GABRA2: variants seen among roughly 807,000 people sequenced by gnomAD.
The protein encoded by GABRA2 is gamma-aminobutyric acid receptor subunit alpha-2.
In GABRA2, 16 loss-of-function variants were observed where a neutral mutation model predicts 48.7. That is an observed-to-expected ratio of 0.33 (90% CI 0.22 to 0.50). GABRA2 has a LOEUF of 0.50. Among genes scored for constraint, GABRA2 ranks in the 20% least tolerant of loss-of-function variants. The probability of loss-of-function intolerance (pLI) is 0.98; values close to 1 mark genes in which losing one functional copy is unlikely to be tolerated. For missense variants in GABRA2, 275 were observed against 535.6 expected, an observed-to-expected ratio of 0.51 and a Z score of 4.80; for synonymous variants, 185 against 184.5, an observed-to-expected ratio of 1.00 and a Z score of -0.02.
intron 3 of GABRA2, among the ~76,000 whole-genome samples, chr4:46,375,895 A>G (rs1458577122): frequency 2.0e-5 from 3 of 152,232 alleles, no homozygotes; most frequent in African/African-American, 7.2e-5. Context: ...AGTTGAATGA[A>G]TGAGCTATAC....
chr4:46,366,325 C>A (rs1213340811), intron 3 of GABRA2: 1 of 152,032 alleles, frequency 6.6e-6, no homozygotes, highest in South Asian at 2.1e-4. Flanking sequence ...AATAAGAACA[C>A]CTAAACAAAT....
intron 1 of GABRA2, chr4:46,389,432 G>C (rs1170692752): frequency 1.4e-5 from 14 of 982,460 alleles, no homozygotes; most frequent in South Asian, 9.4e-5. Flanking sequence ...GTGAGGCTCC[G>C]GCAGCAAACA....
rs1044761826 is a variant in GABRA2, at chr4:46,258,321, G to A, written c.1059+3605C>T. On this transcript the variant is annotated intron_variant, in intron 9 of 9. Transcript: ENST00000381620. ...ACAGAAATATGCAATTACAAACTACGATAAAGGTTCTAATGCAAAAGAACA... is the reference window on the plus strand; with the variant it reads ...ACAGAAATATGCAATTACAAACTACAATAAAGGTTCTAATGCAAAAGAACA... 2.6e-5 allele frequency among the ~76,000 whole-genome samples: 4 copies of A among 151,836 alleles called. No homozygotes were observed. The South Asian group carries it at 6.2e-4, about 24-fold the overall frequency.
At chr4:46,378,033 T>TGG (rs1207127092) in intron 3 of GABRA2, among the ~76,000 whole-genome samples, 1 of 107,272 alleles carries the variant, frequency 9.3e-6, no homozygotes, top group African/African-American at 4.0e-5. Context: ...GGGAGGGAGG[T>TGG]GGGGGGTTCA....
At chr4:46,331,997 A>G (rs772021634) in intron 4 of GABRA2, among the ~76,000 whole-genome samples, 6 of 152,166 alleles carry the variant, frequency 3.9e-5, no homozygotes, top group Admixed American at 6.6e-5. Flanking sequence ...TGCTGCAATT[A>G]CATTTGTGAG....
intron 9 of GABRA2, among the ~76,000 whole-genome samples, chr4:46,260,574 A>G (rs1296685371): frequency 6.6e-6 from 1 of 151,902 alleles, no homozygotes; most frequent in Non-Finnish European, 1.5e-5. Context: ...CTTTTGTGAC[A>G]TATTTACAAA....
At position 46,366,395 on chromosome 4, in the gene GABRA2, G is replaced by A. The variant is rs567273091; in HGVS notation, c.187+19679C>T. On this transcript the variant is annotated intron_variant, in intron 3 of 9. Transcript: ENST00000381620. ...CAGAGATACTTATCCAGATGCTAAT[G>A]ATTACACAAATGTAACAAATAGTGA... 13 of 152,206 alleles carry A rather than the reference G, an allele frequency of 8.5e-5. No individual in the cohort carries two copies. In the South Asian group the frequency reaches 2.3e-3, roughly 27 times the overall value. The allele number at this position is 152,206 out of a possible 1,614,324, so 9.4% of individuals were successfully genotyped here.
chr4:46,251,267 C>T (rs771652368), intron 9 of GABRA2, among the ~76,000 whole-genome samples: 13 of 151,554 alleles, frequency 8.6e-5, no homozygotes, highest in Non-Finnish European at 1.8e-4. Flanking sequence ...TCTAGCTTGG[C>T]TTGACTTTGT....
At chr4:46,280,145 T>C (rs1255218235) in intron 8 of GABRA2, among the ~76,000 whole-genome samples, 1 of 152,006 alleles carries the variant, frequency 6.6e-6, no homozygotes, top group South Asian at 2.1e-4. Context: ...TTATATAATG[T>C]TGGAAGATGA....
In GABRA2 at chr4:46,284,861, A is replaced by G. The variant is rs1488603425; in HGVS notation, c.856+18599T>C. 9.2e-5 allele frequency among the ~76,000 whole-genome samples: 14 copies of G among 152,080 alleles called. No individual in the cohort carries two copies. The South Asian group carries it at 2.9e-3, about 32-fold the overall frequency. ...TTTTTTATTAAAACTTGTGTGGATT[A>G]CCCACAACGTAAAGCTTTGGACTTA... On this transcript the variant is annotated intron_variant, in intron 8 of 9. Coordinates refer to ENST00000381620, the MANE Select transcript of GABRA2 (RefSeq NM_000807.4).
chr4:46,390,040 G>C lies in GABRA2; in HGVS notation c.-316C>G. On this transcript the variant is annotated 5_prime_UTR_variant, in exon 1 of 10. Coordinates refer to ENST00000381620, the MANE Select transcript of GABRA2 (RefSeq NM_000807.4). ...GGAAGAGGAGGAGGGGGAAAACGAT[G>C]ACAGGAGCTGGGGCCGGGGGGGGAA... is the stretch of plus-strand genomic sequence containing the variant. 1 of 241,282 alleles carries C rather than the reference G, an allele frequency of 4.1e-6. No homozygotes were observed. The highest frequency in any genetic ancestry group is 5.8e-6 in the Non-Finnish European group (1 of 171,676). The allele number at this position is 241,282 out of a possible 1,614,324, so 14.9% of individuals were successfully genotyped here. A position where few individuals can be genotyped will look rare whatever the true frequency, so the allele number is the denominator to read the frequency against.
At chr4:46,286,322 A>G (rs1396824813) in intron 8 of GABRA2, among the ~76,000 whole-genome samples, 1 of 152,096 alleles carries the variant, frequency 6.6e-6, no homozygotes, top group Non-Finnish European at 1.5e-5. Flanking sequence ...TATTGTAAGT[A>G]TATACTATAT....
At chr4:46,253,248 G>A (rs1715161126) in intron 9 of GABRA2, among the ~76,000 whole-genome samples, 1 of 151,256 alleles carries the variant, frequency 6.6e-6, no homozygotes, top group African/African-American at 2.4e-5. Flanking sequence ...CCCCTCACTT[G>A]AATACCCTTC....
At chr4:46,277,789 A>G (rs1159815339) in intron 8 of GABRA2, among the ~76,000 whole-genome samples, 3 of 152,184 alleles carry the variant, frequency 2.0e-5, no homozygotes, top group East Asian at 1.9e-4. Flanking sequence ...CAAGCTAGAG[A>G]GCACGTCTAA....
At chr4:46,360,891 A>T (rs1713073481) in intron 3 of GABRA2, among the ~76,000 whole-genome samples, 1 of 152,244 alleles carries the variant, frequency 6.6e-6, no homozygotes, top group South Asian at 2.1e-4. Context: ...TTTAGCAAAG[A>T]CAGTGTTGGC....
chr4:46,278,478 T>C (rs2109447421), intron 8 of GABRA2, among the ~76,000 whole-genome samples: 1 of 152,250 alleles, frequency 6.6e-6, no homozygotes, highest in East Asian at 1.9e-4. Flanking sequence ...AAACAGGTAG[T>C]AAGTGCTTAT....
intron 4 of GABRA2, among the ~76,000 whole-genome samples, chr4:46,332,111 T>C (rs1248041838): frequency 1.3e-5 from 2 of 152,132 alleles, no homozygotes; most frequent in Admixed American, 6.6e-5. Context: ...GATTTATATA[T>C]ACCTACTATG....
rs570531493 is a variant in GABRA2, at chr4:46,289,549, A to G, written c.856+13911T>C. On this transcript the variant is annotated intron_variant, in intron 8 of 9. Coordinates refer to ENST00000381620, the MANE Select transcript of GABRA2 (RefSeq NM_000807.4). ...AACAACACACACTGGGGCCTTTCCAAGGGTAGAGGGTGGGAGGAGGGAGAG... is the reference window on the plus strand; with the variant it reads ...AACAACACACACTGGGGCCTTTCCAGGGGTAGAGGGTGGGAGGAGGGAGAG... Among the ~76,000 whole-genome samples the G allele has an allele frequency of 3.3e-5, 5 of 152,288 alleles. No homozygotes were observed. In the East Asian group the frequency reaches 9.7e-4, roughly 29 times the overall value.
intron 3 of GABRA2, among the ~76,000 whole-genome samples, chr4:46,360,071 T>A (rs368779579): frequency 2.0e-5 from 3 of 152,228 alleles, no homozygotes; most frequent in African/African-American, 7.2e-5. Context: ...TAATTCCTCC[T>A]GGCTCTTTGA....
Sources: gnomAD v4.1 joint callset for allele counts (sites outside exome capture counted in the v4.1 genomes callset) on GRCh38, gnomAD v4.1.1 for gene constraint, MANE v1.5 for transcripts, NCBI Gene and HGNC (gene_info 2026-07-23, HGNC 2026-07-21) for gene names.